The following FAM135B variants were observed in gnomAD, a reference collection of about 807,000 sequenced individuals.
FAM135B encodes family with sequence similarity 135 member B.
A neutral mutation model predicts 127.7 loss-of-function variants in FAM135B; 43 were observed. That is an observed-to-expected ratio of 0.34 (90% CI 0.26 to 0.43). The LOEUF is 0.43. Ranked by LOEUF, FAM135B falls within the 20% of genes least tolerant of loss-of-function variation. FAM135B has a pLI of 1.00. For missense variants in FAM135B, 1,558 were observed against 1,725.6 expected, an observed-to-expected ratio of 0.90 and a Z score of 1.72; for synonymous variants, 670 against 665.1, an observed-to-expected ratio of 1.01 and a Z score of -0.11.
chr8:138,239,518 C>G (rs1427247191), intron 7 of FAM135B, among the ~76,000 whole-genome samples: 1 of 152,194 alleles, frequency 6.6e-6, no homozygotes, highest in Admixed American at 6.5e-5. Context: ...CCTGTTCACT[C>G]TGATGGTAGT....
rs182466728 is a variant in FAM135B, at chr8:138,241,137, C to T, written c.669+1805G>A. Among the ~76,000 whole-genome samples the T allele has an allele frequency of 2.0e-5, 3 of 152,276 alleles. No individual in the cohort carries two copies. The highest frequency in any genetic ancestry group is 1.3e-4 in the Admixed American group (2 of 15,296). Reference sequence around the variant, plus strand: ...TCACAGCAAAGGCTTCGGCCGACCACGGGGAGCTTTGCCTCAGTGATGGTC... The same window carrying T: ...TCACAGCAAAGGCTTCGGCCGACCATGGGGAGCTTTGCCTCAGTGATGGTC... On this transcript the variant is annotated intron_variant, in intron 7 of 19. Transcript: ENST00000395297. The surrounding 1 kb of genome is among the most constrained non-coding windows in gnomAD (Gnocchi z 4.8).
chr8:138,202,793 G>T (rs78925869), intron 7 of FAM135B, among the ~76,000 whole-genome samples: 99 of 151,458 alleles, frequency 6.5e-4, no homozygotes, highest in Admixed American at 1.2e-3. Flanking sequence ...CTCGGTGAAC[G>T]TGTCTATGGA....
chr8:138,496,461 C>T (rs1815395715), intron 1 of FAM135B, among the ~76,000 whole-genome samples: 1 of 152,226 alleles, frequency 6.6e-6, no homozygotes. Flanking sequence ...ACAGCCCTGG[C>T]CCTTCTTATC....
chr8:138,194,412 T>C (rs1816438718), intron 9 of FAM135B, among the ~76,000 whole-genome samples: 1 of 152,240 alleles, frequency 6.6e-6, no homozygotes, highest in Non-Finnish European at 1.5e-5. Context: ...CAACCCTGGC[T>C]GCACATAATA....
At chr8:138,299,514 G>A (rs865892581) in intron 3 of FAM135B, among the ~76,000 whole-genome samples, 3 of 152,222 alleles carry the variant, frequency 2.0e-5, no homozygotes, top group South Asian at 4.1e-4. Context: ...AGGCTACCTG[G>A]AGTCTGCAAG....
intron 9 of FAM135B, among the ~76,000 whole-genome samples, chr8:138,184,498 C>T (rs796295473): frequency 3.3e-5 from 5 of 152,266 alleles, no homozygotes; most frequent in African/African-American, 1.2e-4. Context: ...AGAAGAAGTC[C>T]CTGTGAAGAG....
At chr8:138,303,140 G>T (rs1826005720) in intron 3 of FAM135B, among the ~76,000 whole-genome samples, 1 of 152,182 alleles carries the variant, frequency 6.6e-6, no homozygotes, top group South Asian at 2.1e-4. Flanking sequence ...GCACATGTGT[G>T]TTTATCGCAG....
At chr8:138,229,609 C>T (rs1449003866) in intron 7 of FAM135B, among the ~76,000 whole-genome samples, 1 of 152,068 alleles carries the variant, frequency 6.6e-6, no homozygotes, top group East Asian at 1.9e-4. Context: ...GTGTTTCAGC[C>T]CTTCCATTTT....
chr8:138,292,620 T>A (rs6577906), intron 3 of FAM135B, among the ~76,000 whole-genome samples: 74,833 of 151,904 alleles, frequency 0.49, 20,882 homozygotes, highest in Non-Finnish European at 0.64. Flanking sequence ...ACTAGAAAAA[T>A]TGTTTTAAAA....
chr8:138,243,997 C>T lies in FAM135B; in HGVS notation c.543-929G>A, dbSNP rs1370672256. ...CAGGTGACATCATCTTCATCATCTT[C>T]ACTATGGGTGCTCAAGAAACATTTG... On this transcript the variant is annotated intron_variant, in intron 6 of 19. Coordinates refer to ENST00000395297, the MANE Select transcript of FAM135B (RefSeq NM_015912.4). The surrounding 1 kb of genome is among the most constrained non-coding windows in gnomAD (Gnocchi z 7.5). 6.6e-6 allele frequency among the ~76,000 whole-genome samples: 1 copy of T among 152,186 alleles called. No homozygotes were observed. Among genetic ancestry groups the T allele is most frequent in the Non-Finnish European group, 1.5e-5 (1 of 68,030 alleles).
At chr8:138,454,576 G>A (rs577328772) in intron 1 of FAM135B, among the ~76,000 whole-genome samples, 2 of 152,254 alleles carry the variant, frequency 1.3e-5, no homozygotes, top group South Asian at 4.2e-4. Flanking sequence ...CAGAACCAGG[G>A]CTAGTACTGA....
intron 13 of FAM135B, 101 bp downstream of exon 13, chr8:138,151,093 C>A: frequency 1.4e-6 from 1 of 733,158 alleles, no homozygotes; most frequent in East Asian, 3.0e-5. Context: ...ATCAGAAAAT[C>A]ACAGATATCT....
At chr8:138,421,562 T>G (rs1286250509) in intron 1 of FAM135B, among the ~76,000 whole-genome samples, 1 of 152,014 alleles carries the variant, frequency 6.6e-6, no homozygotes, top group African/African-American at 2.4e-5. Context: ...ATAAAACACC[T>G]AAGAATACAG....
chr8:138,235,653 C>G (rs890361093), intron 7 of FAM135B, among the ~76,000 whole-genome samples: 1 of 152,120 alleles, frequency 6.6e-6, no homozygotes, highest in Non-Finnish European at 1.5e-5. Flanking sequence ...GCCTCAGTTT[C>G]CCCCTCCCCA....
At chr8:138,317,008 T>C (rs1054359057) in intron 2 of FAM135B, among the ~76,000 whole-genome samples, 2 of 151,474 alleles carry the variant, frequency 1.3e-5, no homozygotes, top group Non-Finnish European at 2.9e-5. Flanking sequence ...AACATACAAC[T>C]GTCAAACAAC....
chr8:138,439,051 C>T (rs1035398504), intron 1 of FAM135B: 3 of 152,092 alleles, frequency 2.0e-5, no homozygotes, highest in Non-Finnish European at 4.4e-5. Flanking sequence ...TCTCACCAGG[C>T]TATTAGCCTT....
chr8:138,491,939 G>A (rs1411062752), intron 1 of FAM135B, among the ~76,000 whole-genome samples: 5 of 152,278 alleles, frequency 3.3e-5, no homozygotes, highest in East Asian at 3.9e-4. Flanking sequence ...GGCTGTGGAG[G>A]AGACCAGGTC....
At chr8:138,434,659 C>T (rs1835365709) in intron 1 of FAM135B, among the ~76,000 whole-genome samples, 1 of 152,318 alleles carries the variant, frequency 6.6e-6, no homozygotes, top group South Asian at 2.1e-4. Flanking sequence ...ATTCAAAGCT[C>T]TTCCCAAGAC....
Position 138,131,073 on chromosome 8 carries a change from A to C in FAM135B, c.*1520T>G, listed in dbSNP as rs1816179829. 6.6e-6 allele frequency: 1 copy of C among 152,160 alleles called. No individual in the cohort carries two copies. 9.4% of individuals were successfully genotyped at this position (152,160 alleles called of 1,614,324 possible). A position where few individuals can be genotyped will look rare whatever the true frequency, so the allele number is the denominator to read the frequency against. On this transcript the variant is annotated 3_prime_UTR_variant, in exon 20 of 20. Transcript: ENST00000395297. ...TTCCCATGGTCTGCTTTTATTTTTC[A>C]AAGTCACATTGTTAACATAAGAGGA...
Sources: gnomAD v4.1 joint callset for allele counts (sites outside exome capture counted in the v4.1 genomes callset) on GRCh38, gnomAD v4.1.1 for gene constraint, Gnocchi (gnomAD v3.1) non-coding constraint, MANE v1.5 for transcripts, NCBI Gene and HGNC (gene_info 2026-07-23, HGNC 2026-07-21) for gene names.